Variants in SAP30BP observed in about 807,000 individuals in gnomAD.
The protein encoded by SAP30BP is SAP30 binding protein, also known as SAP30-binding protein.
A neutral mutation model predicts 46.3 loss-of-function variants in SAP30BP; 31 were observed. The ratio of observed to expected loss-of-function variants is 0.67; its 90% confidence interval spans 0.50 to 0.90. The LOEUF (loss-of-function observed/expected upper bound fraction) is 0.90, where lower values mean the gene tolerates loss of function less well. Ranked by LOEUF, SAP30BP falls within the 40% of genes least tolerant of loss-of-function variation. SAP30BP has a pLI of 0.00. For missense variants in SAP30BP, 312 were observed against 391.0 expected, an observed-to-expected ratio of 0.80 and a Z score of 1.70; for synonymous variants, 169 against 144.2, an observed-to-expected ratio of 1.17 and a Z score of -1.23.
At chr17:75,670,059 C>G (rs777281196) in intron 2 of SAP30BP, among the ~76,000 whole-genome samples, 1 of 152,190 alleles carries the variant, frequency 6.6e-6, no homozygotes, top group Non-Finnish European at 1.5e-5. Flanking sequence ...CACGGTGGCT[C>G]ATGCCTGTAA....
At chr17:75,689,554 C>T (rs2148401398) in intron 3 of SAP30BP, among the ~76,000 whole-genome samples, 1 of 152,272 alleles carries the variant, frequency 6.6e-6, no homozygotes, top group Middle Eastern at 3.4e-3. Flanking sequence ...TGTGTTGTTG[C>T]TCATGTCTCT....
intron 4 of SAP30BP, among the ~76,000 whole-genome samples, chr17:75,698,620 G>A (rs1168991401): frequency 6.7e-6 from 1 of 148,518 alleles, no homozygotes; most frequent in Non-Finnish European, 1.5e-5. Context: ...GGTGGCTGGA[G>A]CTGGTTTACA....
At chr17:75,698,428 C>T (rs1192719589) in intron 4 of SAP30BP, among the ~76,000 whole-genome samples, 2 of 152,238 alleles carry the variant, frequency 1.3e-5, no homozygotes, top group African/African-American at 4.8e-5. Flanking sequence ...GTAGCCTAGG[C>T]AGGTCAGCCT....
Position 75,706,982 on chromosome 17 carries a change from C to G in SAP30BP, c.*461C>G, listed in dbSNP as rs1193694355. On this transcript the variant is annotated 3_prime_UTR_variant, in exon 11 of 11. Transcript: ENST00000584667. This position sits in a 1 kb window ranked among gnomAD's most constrained non-coding sequence, Gnocchi z 4.6. Reference sequence around the variant, plus strand: ...ATGGACAGGCGGGAGTCCCCGAGCCCCACGTATGCCCCATCTGCCGCCTTG... The same window carrying G: ...ATGGACAGGCGGGAGTCCCCGAGCCGCACGTATGCCCCATCTGCCGCCTTG... The G allele has an allele frequency of 5.9e-6, 1 of 168,470 alleles. No individual in the cohort carries two copies. Among genetic ancestry groups the G allele is most frequent in the African/African-American group, 2.4e-5 (1 of 41,948 alleles). 10.4% of individuals were successfully genotyped at this position (168,470 alleles called of 1,614,324 possible).
chr17:75,681,704 C>T (rs1450244148), intron 3 of SAP30BP, among the ~76,000 whole-genome samples: 3 of 152,206 alleles, frequency 2.0e-5, no homozygotes, highest in Non-Finnish European at 2.9e-5. Flanking sequence ...ACCCAGAACA[C>T]GGGCAGCTTC....
At chr17:75,702,666 G>C in intron 6 of SAP30BP, 95 bp downstream of exon 6, 1 of 590,188 alleles carries the variant, frequency 1.7e-6, no homozygotes, top group Non-Finnish European at 3.1e-6. Flanking sequence ...AAAGCCCAGA[G>C]CCCAAACCAT....
At chr17:75,701,685 G>T (rs187979149) in intron 5 of SAP30BP, among the ~76,000 whole-genome samples, 1 of 152,158 alleles carries the variant, frequency 6.6e-6, no homozygotes, top group African/African-American at 2.4e-5. Flanking sequence ...CTCTATTCCC[G>T]CCTCCCGTTA....
intron 3 of SAP30BP, chr17:75,693,025 G>T (rs1464715684): frequency 6.3e-6 from 1 of 159,136 alleles, no homozygotes; most frequent in Non-Finnish European, 1.4e-5. Context: ...TGCTTCCTTG[G>T]TACCAGCGGT....
intron 3 of SAP30BP, among the ~76,000 whole-genome samples, chr17:75,673,900 A>C (rs150584429): frequency 1.3e-5 from 2 of 152,140 alleles, no homozygotes; most frequent in Admixed American, 1.3e-4. Context: ...GCTGTTCCTC[A>C]TTCACTCATG....
rs926383357 is a variant in SAP30BP at position 75,707,185 on chromosome 17, G to T, written c.*664G>T. 1 of 152,828 alleles carries T rather than the reference G, an allele frequency of 6.5e-6. No homozygotes were observed. Among genetic ancestry groups the T allele is most frequent in the South Asian group, 2.1e-4 (1 of 4,834 alleles). 9.5% of individuals were successfully genotyped at this position (152,828 alleles called of 1,614,324 possible). On this transcript the variant is annotated 3_prime_UTR_variant, in exon 11 of 11. Transcript: ENST00000584667. ...CTGTGCAGAGAGTGGGGAGGCGTCAGCGCCTGGCCAGGGCTGCCCCAGTCC... is the reference window on the plus strand; with the variant it reads ...CTGTGCAGAGAGTGGGGAGGCGTCATCGCCTGGCCAGGGCTGCCCCAGTCC...
chr17:75,684,779 T>C (rs1211231119), intron 3 of SAP30BP: 2 of 152,120 alleles, frequency 1.3e-5, no homozygotes. Flanking sequence ...GATAACCGGA[T>C]CTGAGCAGGA....
intron 6 of SAP30BP, chr17:75,703,091 A>C: frequency 1.7e-6 from 1 of 573,914 alleles, no homozygotes; most frequent in Non-Finnish European, 3.1e-6. Context: ...GGTCAGTGAG[A>C]CAAAACTCAG....
chr17:75,694,223 C>A (rs1351833963), intron 4 of SAP30BP, among the ~76,000 whole-genome samples: 1 of 152,126 alleles, frequency 6.6e-6, no homozygotes, highest in Admixed American at 6.5e-5. Flanking sequence ...TCACTGACTC[C>A]AGCCCTGGGG....
chr17:75,671,389 T>C (rs1217429719), intron 2 of SAP30BP, among the ~76,000 whole-genome samples: 1 of 152,220 alleles, frequency 6.6e-6, no homozygotes, highest in East Asian at 1.9e-4. Flanking sequence ...CTGATGTACA[T>C]GTGTATATGA....
intron 3 of SAP30BP, chr17:75,692,402 C>A (rs1384936823): frequency 4.1e-6 from 4 of 985,324 alleles, no homozygotes; most frequent in Non-Finnish European, 4.8e-6. Flanking sequence ...AAAGACATGG[C>A]GTCCAGCAAC....
At chr17:75,705,559 C>T in intron 9 of SAP30BP, 2 of 960,904 alleles carry the variant, frequency 2.1e-6, no homozygotes, top group Non-Finnish European at 2.5e-6. Flanking sequence ...TCATTCTTAA[C>T]CCTTGATTGA....
At chr17:75,672,984 C>A (rs1341596331) in intron 3 of SAP30BP, among the ~76,000 whole-genome samples, 1 of 151,248 alleles carries the variant, frequency 6.6e-6, no homozygotes, top group African/African-American at 2.4e-5. Flanking sequence ...CAAAAAAAAA[C>A]TGCTTGGAAA....
intron 3 of SAP30BP, among the ~76,000 whole-genome samples, chr17:75,675,000 G>A (rs2059969100): frequency 6.6e-6 from 1 of 152,120 alleles, no homozygotes; most frequent in African/African-American, 2.4e-5. Context: ...ACCAGGCCCA[G>A]TGCACATGAA....
intron 1 of SAP30BP, among the ~76,000 whole-genome samples, chr17:75,667,715 A>C (rs918986721): frequency 1.3e-5 from 2 of 152,252 alleles, no homozygotes; most frequent in African/African-American, 4.8e-5. Flanking sequence ...TGCCGGCTAT[A>C]GTGATAGACA....
Sources: allele counts gnomAD v4.1 joint callset (sites outside exome capture counted in the v4.1 genomes callset), GRCh38; gene constraint gnomAD v4.1.1; non-coding constraint Gnocchi (gnomAD v3.1); transcripts MANE v1.5; gene names NCBI Gene and HGNC (gene_info 2026-07-23, HGNC 2026-07-21).